SH3BP5: variants seen among roughly 807,000 people sequenced by gnomAD.
The protein encoded by SH3BP5 is SH3 domain binding protein 5.
SH3BP5 carries 22 observed loss-of-function variants against 43.3 expected under a neutral mutation model. That is an observed-to-expected ratio of 0.51 (90% CI 0.36 to 0.73). The LOEUF is 0.73. Ranked by LOEUF, SH3BP5 falls within the 30% of genes least tolerant of loss-of-function variation. The pLI is 0.00. For missense variants in SH3BP5, 529 were observed against 586.9 expected, an observed-to-expected ratio of 0.90 and a Z score of 1.02; for synonymous variants, 255 against 225.8, an observed-to-expected ratio of 1.13 and a Z score of -1.16.
chr3:15,317,701 G>A (rs1698218894), intron 2 of SH3BP5, among the ~76,000 whole-genome samples: 1 of 152,288 alleles, frequency 6.6e-6, no homozygotes, highest in South Asian at 2.1e-4. Context: ...AACAAAGGTG[G>A]TTCAAAATTT....
intron 3 of SH3BP5, chr3:15,272,991 T>G: frequency 3.6e-6 from 1 of 275,368 alleles, no homozygotes; most frequent in Non-Finnish European, 5.5e-6. Flanking sequence ...TGGTTCTTAG[T>G]TCTTTCATGT....
intron 3 of SH3BP5, among the ~76,000 whole-genome samples, chr3:15,301,706 C>T (rs1323323361): frequency 6.6e-6 from 1 of 151,994 alleles, no homozygotes; most frequent in Non-Finnish European, 1.5e-5. Context: ...CAGAGGGACA[C>T]CACCAAACAG....
intron 3 of SH3BP5, among the ~76,000 whole-genome samples, chr3:15,280,464 C>T (rs76671517): frequency 0.045 from 6,809 of 152,242 alleles, 185 homozygotes; most frequent in South Asian, 0.089. Context: ...AGGGTCTTTG[C>T]GCTCAGGGAG....
At chr3:15,294,289 AAG>A (rs1491422955) in intron 3 of SH3BP5, among the ~76,000 whole-genome samples, 1 of 110,782 alleles carries the variant, frequency 9.0e-6, no homozygotes, top group Non-Finnish European at 1.8e-5. Context: ...CTGCAAAAGT[AAG>A]TGTGTGTGTG....
In SH3BP5 at chr3:15,311,293, C is replaced by T. The variant is rs1437877873; in HGVS notation, c.202-7062G>A. 3.3e-5 allele frequency among the ~76,000 whole-genome samples: 5 copies of T among 152,234 alleles called. No homozygotes were observed. In the South Asian group the frequency reaches 8.3e-4, roughly 25 times the overall value. ...AGATAAGAAAACTGGAGGCCAGGTG[C>T]GGTGGCTCACTCCTGTAATCCCAGC... On this transcript the variant is annotated intron_variant, in intron 2 of 8. Coordinates refer to ENST00000383791, the MANE Select transcript of SH3BP5 (RefSeq NM_004844.5).
intron 4 of SH3BP5, among the ~76,000 whole-genome samples, chr3:15,268,420 C>T (rs1488705232): frequency 6.6e-6 from 1 of 152,166 alleles, no homozygotes; most frequent in Non-Finnish European, 1.5e-5. Flanking sequence ...GTACCCGCGC[C>T]GTCCAGGGTC....
chr3:15,294,806 T>C (rs183600797), intron 3 of SH3BP5, among the ~76,000 whole-genome samples: 109 of 152,318 alleles, frequency 7.2e-4, no homozygotes, highest in Non-Finnish European at 1.4e-3. Flanking sequence ...ATGGCTACTT[T>C]GCAGCTTCTC....
exon 1 of SH3BP5, chr3:15,341,251 G>A: frequency 6.6e-6 from 1 of 152,542 alleles, no homozygotes. Context: ...CTGTCAGCTG[G>A]CTCTGTCCTC....
chr3:15,269,625 TG>T, intron 4 of SH3BP5, 87 bp downstream of exon 4: 1 of 1,375,502 alleles, frequency 7.3e-7, no homozygotes. Flanking sequence ...GCAACATGCC[TG>T]GGAGTCGAGT....
rs573145262 is a variant in SH3BP5, at chr3:15,287,684, C to T, written c.330+16419G>A. 6.6e-5 allele frequency among the ~76,000 whole-genome samples: 10 copies of T among 152,246 alleles called. No homozygotes were observed. In the East Asian group the frequency reaches 9.6e-4, roughly 15 times the overall value. ...TTTGAACATCACAGAGCTAGTCAGTCTGGGAAGAAAGAAGTCACAGGCAAA... is the reference window on the plus strand; with the variant it reads ...TTTGAACATCACAGAGCTAGTCAGTTTGGGAAGAAAGAAGTCACAGGCAAA... On this transcript the variant is annotated intron_variant, in intron 3 of 8. Coordinates refer to ENST00000383791, the MANE Select transcript of SH3BP5 (RefSeq NM_004844.5).
chr3:15,280,674 T>C lies in SH3BP5; in HGVS notation c.331-10797A>G, dbSNP rs775701111. Among the ~76,000 whole-genome samples the C allele has an allele frequency of 4.0e-4, 61 of 152,226 alleles. No homozygotes were observed. The Middle Eastern group carries it at 0.027, about 68-fold the overall frequency. On this transcript the variant is annotated intron_variant, in intron 3 of 8. Transcript: ENST00000383791. ...CTGTCCCCAAAACACACACGCAACA[T>C]GCCCCACCTCTTAATTCTTCAAATG...
At chr3:15,279,656 G>A (rs961426615) in intron 3 of SH3BP5, among the ~76,000 whole-genome samples, 1 of 152,132 alleles carries the variant, frequency 6.6e-6, no homozygotes, top group African/African-American at 2.4e-5. Flanking sequence ...AACATCCAAG[G>A]TTCCATTACA....
At position 15,316,248 on chromosome 3, in the gene SH3BP5, G is replaced by A. The variant is rs575201360; in HGVS notation, c.202-12017C>T. 2.2e-3 allele frequency among the ~76,000 whole-genome samples: 246 copies of A among 110,768 alleles called. 1 individual carries two copies. The highest frequency in any genetic ancestry group is 0.016 in the East Asian group (56 of 3,462). The allele number at this position is 110,768 out of a possible 152,430, so 72.7% of individuals were successfully genotyped here. A position where few individuals can be genotyped will look rare whatever the true frequency, so the allele number is the denominator to read the frequency against. ...TTTTTTTTTTTTTTTTTTTTGAGAC[G>A]GAGTCTCGCTTTGTCACCCAGGCTG... is the stretch of plus-strand genomic sequence containing the variant. On this transcript the variant is annotated intron_variant, in intron 2 of 8. Coordinates refer to ENST00000383791, the MANE Select transcript of SH3BP5 (RefSeq NM_004844.5).
At chr3:15,295,316 GCA>G (rs1697538003) in intron 3 of SH3BP5, among the ~76,000 whole-genome samples, 1 of 152,162 alleles carries the variant, frequency 6.6e-6, no homozygotes, top group African/African-American at 2.4e-5. Context: ...CCATCGACAT[GCA>G]CAGAGTGGTG....
intron 2 of SH3BP5, among the ~76,000 whole-genome samples, chr3:15,308,384 G>A (rs1286818738): frequency 6.6e-6 from 1 of 152,164 alleles, no homozygotes; most frequent in African/African-American, 2.4e-5. Flanking sequence ...TAGAGGCAAG[G>A]AAAAGAAAGG....
At chr3:15,299,460 A>G (rs80333307) in intron 3 of SH3BP5, among the ~76,000 whole-genome samples, 293 of 147,344 alleles carry the variant, frequency 2.0e-3, no homozygotes, top group African/African-American at 6.7e-3. Flanking sequence ...AACCAATACA[A>G]TTTCCACCAG....
chr3:15,312,576 G>A (rs1414466710), intron 2 of SH3BP5, among the ~76,000 whole-genome samples: 1 of 152,182 alleles, frequency 6.6e-6, no homozygotes, highest in African/African-American at 2.4e-5. Context: ...CCAAAGACAA[G>A]AGTGTACTTT....
At chr3:15,318,343 T>G (rs1258359183) in intron 2 of SH3BP5, among the ~76,000 whole-genome samples, 1 of 152,088 alleles carries the variant, frequency 6.6e-6, no homozygotes, top group African/African-American at 2.4e-5. Context: ...TTAACAGCCC[T>G]GGTAAGACAG....
intron 7 of SH3BP5, chr3:15,257,332 C>T (rs951671802): frequency 1.7e-5 from 9 of 544,948 alleles, no homozygotes; most frequent in Non-Finnish European, 2.3e-5. Context: ...GGATATTAAG[C>T]GCCCTTCCAA....
Sources: allele counts gnomAD v4.1 joint callset (sites outside exome capture counted in the v4.1 genomes callset), GRCh38; gene constraint gnomAD v4.1.1; transcripts MANE v1.5; gene names NCBI Gene and HGNC (gene_info 2026-07-23, HGNC 2026-07-21).